UBE2B: variants seen among roughly 807,000 people sequenced by gnomAD.
UBE2B encodes the protein ubiquitin-conjugating enzyme E2 B.
In UBE2B, 11 loss-of-function variants were observed where a neutral mutation model predicts 24.6. That is an observed-to-expected ratio of 0.45 (90% CI 0.28 to 0.74). The LOEUF (loss-of-function observed/expected upper bound fraction) is 0.74. Ranked by LOEUF, UBE2B falls within the 30% of genes least tolerant of loss-of-function variation. The pLI is 0.13. For missense variants in UBE2B, 78 were observed against 185.6 expected, an observed-to-expected ratio of 0.42 and a Z score of 3.37; for synonymous variants, 68 against 62.4, an observed-to-expected ratio of 1.09 and a Z score of -0.42.
intron 4 of UBE2B, among the ~76,000 whole-genome samples, chr5:134,386,632 CAA>C (rs941889424): frequency 3.0e-5 from 4 of 131,942 alleles, no homozygotes; most frequent in Non-Finnish European, 4.9e-5. Flanking sequence ...AACTCCATCT[CAA>C]AAAAAAAAAA....
rs1758564322 is a variant in UBE2B at position 134,374,419 on chromosome 5, A to C, written c.81A>C (p.Ala27=). 1.3e-6 allele frequency: 2 copies of C among 1,556,930 alleles called. No homozygotes were observed. The highest frequency in any genetic ancestry group is 1.7e-6 in the Non-Finnish European group (2 of 1,149,244). The part of the protein sequence containing the change: ...QEDPPVGVSG[A]PSENNIMQWN... ...ACCCACCTGTGGGTGTCAGTGGCGC[A>C]CCATCTGAAAACAACATCATGCAGT... The change falls in exon 2 of 6, where the codon GCA becomes GCC. Residue 27 remains alanine (A), a synonymous_variant. Transcript: ENST00000265339.
chr5:134,372,918 T>C lies in UBE2B; in HGVS notation c.44+1279T>C, dbSNP rs1011716836. On this transcript the variant is annotated intron_variant, in intron 1 of 5. Transcript: ENST00000265339. ...CTTTTTGGTGCAAAAGTCATCTTTC[T>C]AAAGCTTGAAATCAGCGTATTTGAT... Among the ~76,000 whole-genome samples, 5 of 152,248 alleles carry C rather than the reference T, an allele frequency of 3.3e-5. No homozygotes were observed. The South Asian group carries it at 8.3e-4, about 25-fold the overall frequency.
At chr5:134,371,885 C>T (rs1010663299) in intron 1 of UBE2B, among the ~76,000 whole-genome samples, 60 of 152,182 alleles carry the variant, frequency 3.9e-4, no homozygotes, top group African/African-American at 1.3e-3. Flanking sequence ...ATCGACTGGT[C>T]TAGGGTTCCC....
intron 4 of UBE2B, among the ~76,000 whole-genome samples, chr5:134,383,474 T>A (rs1409542832): frequency 5.9e-5 from 5 of 84,382 alleles, no homozygotes; most frequent in African/African-American, 2.5e-4. Context: ...CATACCCAGC[T>A]TTTTTTTTTT....
intron 3 of UBE2B, among the ~76,000 whole-genome samples, chr5:134,378,399 A>G (rs1315612815): frequency 6.6e-6 from 1 of 152,014 alleles, no homozygotes; most frequent in Non-Finnish European, 1.5e-5. Flanking sequence ...AGCTGGGATT[A>G]CAGACATGTG....
At chr5:134,383,119 C>T (rs527718826) in intron 4 of UBE2B, among the ~76,000 whole-genome samples, 5 of 152,018 alleles carry the variant, frequency 3.3e-5, no homozygotes, top group Admixed American at 2.6e-4. Context: ...GAGCCAAGAT[C>T]GCGCCACTGC....
chr5:134,382,961 T>G (rs1758733058), intron 4 of UBE2B, among the ~76,000 whole-genome samples: 1 of 151,834 alleles, frequency 6.6e-6, no homozygotes, highest in African/African-American at 2.4e-5. Flanking sequence ...GGTCAAGAGA[T>G]CAAGACCATC....
At chr5:134,377,619 G>T (rs191068734) in intron 3 of UBE2B, among the ~76,000 whole-genome samples, 1 of 152,086 alleles carries the variant, frequency 6.6e-6, no homozygotes, top group African/African-American at 2.4e-5. Flanking sequence ...TCTGTGGGGG[G>T]GGTAAGGAGT....
rs758636417 is a variant in UBE2B at position 134,390,188 on chromosome 5, A to G, written c.331-37A>G. On this transcript the variant is annotated intron_variant, in intron 5 of 5. Transcript: ENST00000265339. This position sits in a 1 kb window ranked among gnomAD's most constrained non-coding sequence, Gnocchi z 4.6. ...CTGACCCCTGTTGGTATAAAGAACA[A>G]CTATGCAAATCTGTTTTTTCTTTTC... 3.1e-6 allele frequency: 5 copies of G among 1,612,634 alleles called. No homozygotes were observed. Among genetic ancestry groups the G allele is most frequent in the Non-Finnish European group, 4.2e-6 (5 of 1,179,726 alleles).
chr5:134,376,336 A>ATATATAT (rs1412262320), intron 2 of UBE2B, among the ~76,000 whole-genome samples: 16 of 4,110 alleles, frequency 3.9e-3, no homozygotes, highest in African/African-American at 8.3e-3. Context: ...AAAAAAAAAA[A>ATATATAT]AAAAAAAAAA....
intron 1 of UBE2B, 46 bp downstream of exon 1, chr5:134,371,685 G>C (rs747580722): frequency 1.7e-5 from 28 of 1,612,104 alleles, no homozygotes; most frequent in Non-Finnish European, 2.3e-5. Context: ...TCAAAGCTGC[G>C]GGGCTGCAGG....
At chr5:134,380,679 C>G in intron 3 of UBE2B, 40 bp from the exon 4 acceptor site, 1 of 1,185,590 alleles carries the variant, frequency 8.4e-7, no homozygotes, top group South Asian at 1.3e-5. Flanking sequence ...ATTAAAAAGT[C>G]GTGCTTGTCT....
chr5:134,371,655 T>G lies in UBE2B; in HGVS notation c.44+16T>G, dbSNP rs751543051. ...ATTTCAAGCGGTAAGGGCCTTCACCTTCGCCTAGATGACGGCCCCTCAAAG... is the reference window on the plus strand; with the variant it reads ...ATTTCAAGCGGTAAGGGCCTTCACCGTCGCCTAGATGACGGCCCCTCAAAG... On this transcript the variant is annotated intron_variant, in intron 1 of 5. Transcript: ENST00000265339. The G allele has an allele frequency of 1.2e-6, 2 of 1,613,058 alleles. No individual in the cohort carries two copies. Among genetic ancestry groups the G allele is most frequent in the East Asian group, 4.5e-5 (2 of 44,836 alleles).
chr5:134,385,871 A>G lies in UBE2B; in HGVS notation c.242-2454A>G, dbSNP rs553367104. Among the ~76,000 whole-genome samples the G allele has an allele frequency of 3.3e-5, 5 of 151,604 alleles. No homozygotes were observed. The South Asian group carries it at 6.3e-4, about 19-fold the overall frequency. ...TACTAAAAATATAAAAAATTATCCAAGCATGGTGATGTGTGCCTGTAATCC... is the reference window on the plus strand; with the variant it reads ...TACTAAAAATATAAAAAATTATCCAGGCATGGTGATGTGTGCCTGTAATCC... On this transcript the variant is annotated intron_variant, in intron 4 of 5. Coordinates refer to ENST00000265339, the MANE Select transcript of UBE2B (RefSeq NM_003337.4).
chr5:134,388,851 G>A, intron 5 of UBE2B: 1 of 324,836 alleles, frequency 3.1e-6, no homozygotes, highest in South Asian at 2.5e-5. Flanking sequence ...GGTGGAGTGA[G>A]GGGTGTTTCG....
chr5:134,388,939 TTTAATTG>T (rs763951303), intron 5 of UBE2B: 1 of 349,824 alleles, frequency 2.9e-6, no homozygotes. Flanking sequence ...CTCACACTTC[TTTAATTG>T]TTTTTTTTTT....
At chr5:134,371,778 A>C in intron 1 of UBE2B, 139 bp downstream of exon 1, 1 of 1,330,416 alleles carries the variant, frequency 7.5e-7, no homozygotes, top group Non-Finnish European at 1.1e-6. Context: ...GCCGGGTCCT[A>C]GCCTCGGCCC....
intron 4 of UBE2B, among the ~76,000 whole-genome samples, chr5:134,382,453 C>T (rs968895119): frequency 3.9e-5 from 6 of 152,008 alleles, no homozygotes; most frequent in Admixed American, 6.6e-5. Flanking sequence ...GATTCTATCT[C>T]AAAAGTACAA....
chr5:134,391,896 G>A lies in UBE2B; in HGVS notation c.*1543G>A, dbSNP rs1250363129. On this transcript the variant is annotated 3_prime_UTR_variant, in exon 6 of 6. Transcript: ENST00000265339. ...TGGCAGAATAGCTTATGCCTAGGAG[G>A]TTGAGGCTGCAGTGAGCTGTGATTA... is the stretch of plus-strand genomic sequence containing the variant. 1 of 152,180 alleles carries A rather than the reference G, an allele frequency of 6.6e-6. No homozygotes were observed. Among genetic ancestry groups the A allele is most frequent in the Non-Finnish European group, 1.5e-5 (1 of 68,046 alleles). The allele number at this position is 152,180 out of a possible 1,614,324, so 9.4% of individuals were successfully genotyped here.
Sources: allele counts gnomAD v4.1 joint callset (sites outside exome capture counted in the v4.1 genomes callset), GRCh38; gene constraint gnomAD v4.1.1; non-coding constraint Gnocchi (gnomAD v3.1); transcripts MANE v1.5; gene names NCBI Gene and HGNC (gene_info 2026-07-23, HGNC 2026-07-21).